The following SNED1 variants were observed in gnomAD, a reference collection of about 807,000 sequenced individuals.
SNED1 encodes the protein sushi, nidogen and EGF like domains 1.
A neutral mutation model predicts 166.7 loss-of-function variants in SNED1; 81 were observed. The observed-to-expected ratio is 0.49, with a 90% CI of 0.41 to 0.58. SNED1 has a LOEUF of 0.58. SNED1 is among the 20% of genes least tolerant of loss of function. The pLI is 0.00. For missense variants in SNED1, 1,604 were observed against 2,000.2 expected (o/e 0.80, Z 3.78); for synonymous variants, 762 against 822.0 (o/e 0.93, Z 1.25).
In SNED1 at chr2:241,064,165, C is replaced by A. The variant is rs766758552; in HGVS notation, c.2599+40C>A. 7.2e-7 allele frequency: 1 copy of A among 1,388,866 alleles called. No individual in the cohort carries two copies. Among genetic ancestry groups the A allele is most frequent in the Non-Finnish European group, 9.8e-7 (1 of 1,021,914 alleles). 86.0% of individuals were successfully genotyped at this position (1,388,866 alleles called of 1,614,324 possible). On this transcript the variant is annotated intron_variant, in intron 19 of 31. Coordinates refer to ENST00000310397, the MANE Select transcript of SNED1 (RefSeq NM_001080437.3). This position sits in a 1 kb window ranked among gnomAD's most constrained non-coding sequence, Gnocchi z 7.0. ...CTGCCTGCTCCCCGCCCTCTGCCCG[C>A]CTGCTCCCCGCCCTCTGCCCGCCTG...
Position 241,051,896 on chromosome 2 carries a change from G to A in SNED1, c.1852+36G>A, listed in dbSNP as rs764087588. 23 of 1,509,474 alleles carry A rather than the reference G, an allele frequency of 1.5e-5. No individual in the cohort carries two copies. The highest frequency in any genetic ancestry group is 1.4e-4 in the Admixed American group (7 of 48,400). The allele number at this position is 1,509,474 out of a possible 1,614,324, so 93.5% of individuals were successfully genotyped here. ...CAGGGGCAGGGGGGAGGGCAGGAAC[G>A]ACGGGCCAGCCCTGAGCTGGGGCCC... On this transcript the variant is annotated intron_variant, in intron 13 of 31. Transcript: ENST00000310397. This position sits in a 1 kb window ranked among gnomAD's most constrained non-coding sequence, Gnocchi z 4.7.
chr2:241,040,193 G>A lies in SNED1; in HGVS notation c.1159+5G>A. ...CCGGAGCAGCCTGCGAGATGGGTGA[G>A]TGGCCTGGCTTCGGATTGGAGAGGG... On this transcript the variant is annotated splice_donor_5th_base_variant and intron_variant, in intron 7 of 31. Coordinates refer to ENST00000310397, the MANE Select transcript of SNED1 (RefSeq NM_001080437.3). The A allele has an allele frequency of 6.3e-7, 1 of 1,588,592 alleles. No homozygotes were observed. Among genetic ancestry groups the A allele is most frequent in the Non-Finnish European group, 8.6e-7 (1 of 1,167,134 alleles).
intron 1 of SNED1, among the ~76,000 whole-genome samples, chr2:241,004,659 A>T (rs944824044): frequency 1.3e-5 from 2 of 152,284 alleles, no homozygotes; most frequent in Non-Finnish European, 2.9e-5. Context: ...TCTGGCCCTC[A>T]TGCTATTGTT....
chr2:241,071,503 C>T (rs2062714760), intron 24 of SNED1, 73 bp from the exon 25 acceptor site: 4 of 1,503,628 alleles, frequency 2.7e-6, no homozygotes, highest in Admixed American at 3.9e-5. Context: ...AGGGGCACCA[C>T]CCATGCCACA....
chr2:241,065,195 G>T, intron 20 of SNED1, 104 bp from the exon 21 acceptor site: 1 of 1,216,602 alleles, frequency 8.2e-7, no homozygotes, highest in Non-Finnish European at 1.2e-6. Flanking sequence ...CGATGGCTGT[G>T]TCAGGCCCAA....
intron 30 of SNED1, chr2:241,087,923 C>T: frequency 2.4e-6 from 1 of 414,064 alleles, no homozygotes; most frequent in Non-Finnish European, 4.2e-6. Flanking sequence ...ATATTATATG[C>T]TTTAGAAACC....
At chr2:241,088,446 G>A (rs771223755) in intron 31 of SNED1, 44 bp downstream of exon 31, 58 of 1,537,914 alleles carry the variant, frequency 3.8e-5, no homozygotes, top group Non-Finnish European at 4.9e-5. Flanking sequence ...GAGCTGCTGG[G>A]AAGTGGGGGG....
At chr2:241,079,113 C>CAAAA (rs1274280801) in intron 27 of SNED1, among the ~76,000 whole-genome samples, 2 of 72,554 alleles carry the variant, frequency 2.8e-5, no homozygotes, top group Non-Finnish European at 5.3e-5. Flanking sequence ...GACTCCATCT[C>CAAAA]AAAAAAAAAA....
At position 241,049,023 on chromosome 2, in the gene SNED1, A is replaced by G; in HGVS notation, c.1506A>G (p.Glu502=). 1 of 1,611,068 alleles carries G rather than the reference A, an allele frequency of 6.2e-7. No individual in the cohort carries two copies. The highest frequency in any genetic ancestry group is 8.5e-7 in the Non-Finnish European group (1 of 1,178,238). Residue 502 remains glutamate (E), a splice_region_variant and synonymous_variant, in exon 11 of 32, where the codon GAA becomes GAG. Transcript: ENST00000310397. ...LGFFGLLCEF[E]ITAMPCNMNT... is the part of the protein sequence containing the mutation. ...TGGGGCTTCCTCCTTTCTCTCTAGA[A>G]ATCACAGCCATGCCCTGCAACATGA...
chr2:241,056,256 T>C (rs1016423289), intron 16 of SNED1, among the ~76,000 whole-genome samples: 2 of 152,168 alleles, frequency 1.3e-5, no homozygotes, highest in Admixed American at 6.5e-5. Context: ...ACTGAAAATA[T>C]ATCCGAAATG....
At chr2:241,053,060 C>T (rs945842235) in intron 15 of SNED1, 93 bp from the exon 16 acceptor site, 5 of 1,247,256 alleles carry the variant, frequency 4.0e-6, no homozygotes, top group Admixed American at 2.2e-5. Context: ...CAGGACATCC[C>T]TGGGCCCTGC....
chr2:241,062,661 G>C (rs1304967562), intron 16 of SNED1, 130 bp from the exon 17 acceptor site: 2 of 717,164 alleles, frequency 2.8e-6, no homozygotes, highest in African/African-American at 3.5e-5. Context: ...TCCAGCCCTG[G>C]TCTCTGGCCT....
intron 2 of SNED1, among the ~76,000 whole-genome samples, chr2:241,031,531 C>G (rs1389835460): frequency 6.6e-6 from 1 of 152,238 alleles, no homozygotes; most frequent in East Asian, 1.9e-4. Context: ...CGTGGGGTCA[C>G]TCTAGCAAGG....
chr2:241,073,136 C>G lies in SNED1; in HGVS notation c.3818-130C>G. 2 of 664,720 alleles carry G rather than the reference C, an allele frequency of 3.0e-6. No homozygotes were observed. The highest frequency in any genetic ancestry group is 5.1e-6 in the Non-Finnish European group (2 of 388,678). 41.2% of individuals were successfully genotyped at this position (664,720 alleles called of 1,614,324 possible). A position where few individuals can be genotyped will look rare whatever the true frequency, so the allele number is the denominator to read the frequency against. ...CTGGGGCCGACAGGTGCTGGGGCCA[C>G]GCAGGGAGCCTGGTCCCCACCAGGG... On this transcript the variant is annotated intron_variant, in intron 26 of 31. Transcript: ENST00000310397. This position sits in a 1 kb window ranked among gnomAD's most constrained non-coding sequence, Gnocchi z 6.6.
At position 241,094,325 on chromosome 2, in the gene SNED1, C is replaced by T. The variant is rs1267017915; in HGVS notation, c.*2689C>T. On this transcript the variant is annotated 3_prime_UTR_variant, in exon 32 of 32. Coordinates refer to ENST00000310397, the MANE Select transcript of SNED1 (RefSeq NM_001080437.3). This position sits in a 1 kb window ranked among gnomAD's most constrained non-coding sequence, Gnocchi z 4.3. ...AACTCCTTCCACTGGCAAAGGACTGCCACTGCCATCTGACTCAACTGTGGC... is the reference window on the plus strand; with the variant it reads ...AACTCCTTCCACTGGCAAAGGACTGTCACTGCCATCTGACTCAACTGTGGC... 1 of 470,314 alleles carries T rather than the reference C, an allele frequency of 2.1e-6. No individual in the cohort carries two copies. Among genetic ancestry groups the T allele is most frequent in the East Asian group, 6.9e-5 (1 of 14,394 alleles). 29.1% of individuals were successfully genotyped at this position (470,314 alleles called of 1,614,324 possible). A position where few individuals can be genotyped will look rare whatever the true frequency, so the allele number is the denominator to read the frequency against.
In SNED1 at chr2:241,071,797, T is replaced by C. The variant is rs2125243723; in HGVS notation, c.3736T>C (p.Phe1246Leu). 6.5e-7 allele frequency: 1 copy of C among 1,533,324 alleles called. No individual in the cohort carries two copies. Among genetic ancestry groups the C allele is most frequent in the East Asian group, 2.5e-5 (1 of 40,070 alleles). The allele number at this position is 1,533,324 out of a possible 1,614,324, so 95.0% of individuals were successfully genotyped here. A position where few individuals can be genotyped will look rare whatever the true frequency, so the allele number is the denominator to read the frequency against. Reference protein sequence around the residue: ...APETPTQPPRFSELVDGRGRV... With the variant: ...APETPTQPPRLSELVDGRGRV... ...GTGACCCTCCCACCCTCTCTGCAGG[T>C]TCTCGGAGCTTGTGGACGGCAGAGG... The change falls in exon 26 of 32, where the codon TTC (phenylalanine) becomes CTC (leucine). Residue 1246 changes from phenylalanine to leucine, a missense_variant and splice_region_variant. Transcript: ENST00000310397.
chr2:241,089,932 T>C (rs1351909093), intron 31 of SNED1: 33 of 1,537,898 alleles, frequency 2.1e-5, no homozygotes, highest in Non-Finnish European at 2.8e-5. Context: ...TATCTAAACG[T>C]AGAAAACCTA....
At chr2:241,044,571 C>T (rs1036066224) in intron 8 of SNED1, among the ~76,000 whole-genome samples, 1 of 152,190 alleles carries the variant, frequency 6.6e-6, no homozygotes, top group East Asian at 1.9e-4. Flanking sequence ...GGTATCCCCC[C>T]AGCCAGGACT....
chr2:241,032,925 A>G (rs1236509100), intron 2 of SNED1, among the ~76,000 whole-genome samples: 1 of 152,214 alleles, frequency 6.6e-6, no homozygotes, highest in Non-Finnish European at 1.5e-5. Flanking sequence ...TGCGTTATAA[A>G]TAGGTTTTTC....
Sources: allele counts gnomAD v4.1 joint callset (sites outside exome capture counted in the v4.1 genomes callset), GRCh38; gene constraint gnomAD v4.1.1; non-coding constraint Gnocchi (gnomAD v3.1); transcripts MANE v1.5; gene names NCBI Gene and HGNC (gene_info 2026-07-23, HGNC 2026-07-21).